PDE4D: variants seen among roughly 807,000 people sequenced by gnomAD.
The protein encoded by PDE4D is phosphodiesterase 4D.
PDE4D carries 24 observed loss-of-function variants against 87.4 expected under a neutral mutation model. The ratio of observed to expected loss-of-function variants is 0.27; its 90% CI spans 0.20 to 0.39. The LOEUF is 0.39. PDE4D is among the 10% of genes least tolerant of loss of function. The pLI, the probability that PDE4D is intolerant of heterozygous loss-of-function variation, is 1.00. For missense variants in PDE4D, 714 were observed against 1,041.0 expected, an observed-to-expected ratio of 0.69 and a Z score of 4.32; for synonymous variants, 384 against 383.2, an observed-to-expected ratio of 1.00 and a Z score of -0.02.
intron 5 of PDE4D, among the ~76,000 whole-genome samples, chr5:59,176,583 C>T (rs1783923643): frequency 6.6e-6 from 1 of 151,844 alleles, no homozygotes; most frequent in Non-Finnish European, 1.5e-5. Flanking sequence ...ATCAAATTCT[C>T]CTGGCTTTAA....
At chr5:59,437,690 A>G (rs760520714) in intron 1 of PDE4D, among the ~76,000 whole-genome samples, 2 of 152,104 alleles carry the variant, frequency 1.3e-5, no homozygotes, top group Non-Finnish European at 2.9e-5. Context: ...AGTAGATGGC[A>G]TAACTCCTAT....
intron 6 of PDE4D, among the ~76,000 whole-genome samples, chr5:59,015,544 C>T (rs1219702295): frequency 6.6e-6 from 1 of 151,780 alleles, no homozygotes; most frequent in African/African-American, 2.4e-5. Context: ...GACTGGCCAT[C>T]AGAGAAATGC....
At chr5:59,188,836 A>C (rs1409427423) in intron 3 of PDE4D, among the ~76,000 whole-genome samples, 1 of 152,244 alleles carries the variant, frequency 6.6e-6, no homozygotes, top group Non-Finnish European at 1.5e-5. Flanking sequence ...TGGTTTGTAC[A>C]CCAGAAAAGG....
At chr5:59,147,653 G>A (rs529519771) in intron 5 of PDE4D, among the ~76,000 whole-genome samples, 1 of 152,160 alleles carries the variant, frequency 6.6e-6, no homozygotes, top group South Asian at 2.1e-4. Flanking sequence ...TAATTAAATG[G>A]CATTTAGAAT....
chr5:59,991,406 T>A (rs1762994863), intron 2 of PDE4D, among the ~76,000 whole-genome samples: 1 of 152,166 alleles, frequency 6.6e-6, no homozygotes, highest in African/African-American at 2.4e-5. Flanking sequence ...GCGGAGGGTT[T>A]GAACAACACA....
intron 1 of PDE4D, among the ~76,000 whole-genome samples, chr5:60,509,826 T>C (rs1300741821): frequency 6.6e-6 from 1 of 152,232 alleles, no homozygotes; most frequent in East Asian, 1.9e-4. Flanking sequence ...AATTAGGTTA[T>C]ATTTATTAAC....
intron 5 of PDE4D, among the ~76,000 whole-genome samples, chr5:59,043,725 G>A (rs1446481443): frequency 6.6e-6 from 1 of 151,416 alleles, no homozygotes. Flanking sequence ...CCCACAGCAG[G>A]CCCCGGTGTG....
chr5:60,260,399 A>AC (rs2149702255), intron 1 of PDE4D, among the ~76,000 whole-genome samples: 1 of 152,234 alleles, frequency 6.6e-6, no homozygotes, highest in South Asian at 2.1e-4. Flanking sequence ...TTTTTTAAAA[A>AC]AATCACATAT....
intron 3 of PDE4D, among the ~76,000 whole-genome samples, chr5:59,914,866 G>GGGGTGTGTGTGT (rs1342565323): frequency 2.5e-4 from 31 of 122,542 alleles, no homozygotes; most frequent in Non-Finnish European, 4.4e-4. Flanking sequence ...TACTGATAGG[G>GGGGTGTGTGTGT]GTGTGTGTGT....
chr5:59,972,572 C>T (rs1043235860), intron 3 of PDE4D, among the ~76,000 whole-genome samples: 13 of 152,182 alleles, frequency 8.5e-5, no homozygotes, highest in African/African-American at 3.1e-4. Flanking sequence ...AGTTTAAATG[C>T]CTGTTTTAAT....
chr5:60,049,134 AC>A lies in PDE4D; in HGVS notation c.43-60418del, dbSNP rs558337982. ...ATTCATTTCATCTTCCATCGCTGAT[AC>A]CTTTTCTTCCAGTTGATTGCATCAG... On this transcript the variant is annotated intron_variant, in intron 2 of 16. Coordinates refer to the PDE4D transcript ENST00000502484. Among the ~76,000 whole-genome samples, 349 of 152,172 alleles carry A rather than the reference AC, an allele frequency of 2.3e-3. 1 individual carries two copies. Among genetic ancestry groups the A allele is most frequent in the Admixed American group, 5.4e-3 (83 of 15,282 alleles).
chr5:59,835,233 A>G (rs544392794), intron 1 of PDE4D, among the ~76,000 whole-genome samples: 6 of 152,042 alleles, frequency 3.9e-5, no homozygotes, highest in Non-Finnish European at 8.8e-5. Flanking sequence ...ATCATTCCCA[A>G]GACAACTCTA....
chr5:60,304,559 G>A (rs1754277896), intron 1 of PDE4D, among the ~76,000 whole-genome samples: 1 of 150,334 alleles, frequency 6.7e-6, no homozygotes, highest in South Asian at 2.1e-4. Flanking sequence ...GCAGGAGAAT[G>A]GCGTGAACCC....
At chr5:59,997,580 G>A (rs912103043) in intron 2 of PDE4D, among the ~76,000 whole-genome samples, 1 of 152,112 alleles carries the variant, frequency 6.6e-6, no homozygotes, top group Admixed American at 6.5e-5. Context: ...GGGAGGAAAG[G>A]GGAGACAAAG....
chr5:60,203,358 A>G (rs1219313711), intron 1 of PDE4D, among the ~76,000 whole-genome samples: 1 of 152,216 alleles, frequency 6.6e-6, no homozygotes, highest in Non-Finnish European at 1.5e-5. Flanking sequence ...ACTACAGATG[A>G]TAATGTATAT....
At chr5:59,401,132 T>C (rs967073159) in intron 1 of PDE4D, among the ~76,000 whole-genome samples, 3 of 152,244 alleles carry the variant, frequency 2.0e-5, no homozygotes, top group African/African-American at 7.2e-5. Context: ...GCACATGGTA[T>C]ACATAAAACA....
intron 1 of PDE4D, among the ~76,000 whole-genome samples, chr5:59,759,006 A>G (rs938776830): frequency 3.3e-5 from 5 of 152,190 alleles, no homozygotes; most frequent in African/African-American, 1.2e-4. Flanking sequence ...TGTGATTTCA[A>G]TATACTGAAT....
intron 2 of PDE4D, among the ~76,000 whole-genome samples, chr5:60,172,263 A>AATACAC (rs1554175585): frequency 1.1e-5 from 1 of 89,192 alleles, no homozygotes; most frequent in African/African-American, 4.4e-5. Context: ...CAAGTACTTC[A>AATACAC]ATACACACAC....
At chr5:59,557,014 A>G (rs1047687014) in intron 1 of PDE4D, among the ~76,000 whole-genome samples, 2 of 152,210 alleles carry the variant, frequency 1.3e-5, no homozygotes, top group Non-Finnish European at 2.9e-5. Context: ...ATGAAATGCC[A>G]TCTCTAAAAA....
Sources: gnomAD v4.1 joint callset for allele counts (sites outside exome capture counted in the v4.1 genomes callset) on GRCh38, gnomAD v4.1.1 for gene constraint, MANE v1.5 for transcripts, NCBI Gene and HGNC (gene_info 2026-07-23, HGNC 2026-07-21) for gene names.